Variants in THADA observed in about 807,000 individuals in gnomAD.
The protein encoded by THADA is tRNA (32-2'-O)-methyltransferase regulator THADA.
Under a neutral mutation model 219.8 loss-of-function variants are expected in THADA, and 213 were observed. The ratio of observed to expected loss-of-function variants is 0.97; its 90% CI spans 0.87 to 1.09. THADA has a LOEUF of 1.09. Among genes scored for constraint, THADA ranks in the 50% least tolerant of loss-of-function variants. The pLI is 0.00. For synonymous variants in THADA, 1,018 were observed against 828.9 expected (o/e 1.23, Z -3.92); for missense variants, 2,956 against 2,311.3 (o/e 1.28, Z -5.72).
intron 35 of THADA, 75 bp downstream of exon 35, chr2:43,286,833 C>T: frequency 6.5e-7 from 1 of 1,545,166 alleles, no homozygotes; most frequent in Non-Finnish European, 8.8e-7. Context: ...TTCACCTTCC[C>T]TTTTTTTAGG....
chr2:43,392,590 G>A (rs377510674), intron 29 of THADA, among the ~76,000 whole-genome samples: 1 of 152,036 alleles, frequency 6.6e-6, no homozygotes, highest in African/African-American at 2.4e-5. Context: ...GTCTACTCCA[G>A]TTTCGGTCTT....
rs1347991247 is a variant in THADA at position 43,230,900 on chromosome 2, T to C, written c.*48A>G. The C allele has an allele frequency of 6.5e-7, 1 of 1,531,636 alleles. No homozygotes were observed. Among genetic ancestry groups the C allele is most frequent in the African/African-American group, 1.4e-5 (1 of 72,174 alleles). 94.9% of individuals were successfully genotyped at this position (1,531,636 alleles called of 1,614,324 possible). On this transcript the variant is annotated 3_prime_UTR_variant, in exon 38 of 38. Coordinates refer to ENST00000405975, the MANE Select transcript of THADA (RefSeq NM_022065.5). ...TTCAACATGTTTCCTGCAGATTTAGTGGAGGAAAAATCCACACATACCCCC... is the reference window on the plus strand; with the variant it reads ...TTCAACATGTTTCCTGCAGATTTAGCGGAGGAAAAATCCACACATACCCCC...
At chr2:43,420,203 C>G (rs1390947322) in intron 28 of THADA, among the ~76,000 whole-genome samples, 1 of 152,236 alleles carries the variant, frequency 6.6e-6, no homozygotes, top group African/African-American at 2.4e-5. Context: ...CTCCAACCCA[C>G]TGATGCTCTT....
At chr2:43,575,582 G>A (rs1699768114) in intron 10 of THADA, among the ~76,000 whole-genome samples, 1 of 152,170 alleles carries the variant, frequency 6.6e-6, no homozygotes, top group Admixed American at 6.5e-5. Context: ...TGTCACCCAG[G>A]CTGGAGTGCA....
chr2:43,332,230 C>A, intron 30 of THADA, among the ~76,000 whole-genome samples: 1 of 152,154 alleles, frequency 6.6e-6, no homozygotes, highest in Non-Finnish European at 1.5e-5. Flanking sequence ...GGATTACAGG[C>A]CCATGCCACC....
rs1558995585 is a variant in THADA, at chr2:43,571,768, G to A, written c.2003C>T (p.Thr668Ile). 12 of 1,613,862 alleles carry A rather than the reference G, an allele frequency of 7.4e-6. No individual in the cohort carries two copies. The highest frequency in any genetic ancestry group is 1.0e-5 in the Non-Finnish European group (12 of 1,179,782). Reference protein sequence around the residue: ...EEMQWIQFFITYNLNSQSPGV... With the variant: ...EEMQWIQFFIIYNLNSQSPGV... ...TGGAGACTGGCTGTTAAGATTGTATGTAATAAAGAACTGAATCCACTGCAT... is the reference window on the plus strand; with the variant it reads ...TGGAGACTGGCTGTTAAGATTGTATATAATAAAGAACTGAATCCACTGCAT... The change falls in exon 13 of 38, where the codon ACA becomes ATA. Residue 668 changes from threonine (T) to isoleucine (I), a missense_variant. Coordinates refer to ENST00000405975, the MANE Select transcript of THADA (RefSeq NM_022065.5).
At chr2:43,579,791 C>T (rs142944539) in intron 8 of THADA, among the ~76,000 whole-genome samples, 64 of 152,204 alleles carry the variant, frequency 4.2e-4, no homozygotes, top group Middle Eastern at 6.8e-3. Context: ...AGGCAACAAA[C>T]GTGGGTGAAA....
At chr2:43,288,586 G>C (rs1286250533) in intron 34 of THADA, among the ~76,000 whole-genome samples, 1 of 152,212 alleles carries the variant, frequency 6.6e-6, no homozygotes, top group African/African-American at 2.4e-5. Flanking sequence ...CCCAAGCACA[G>C]GACTTCCTCT....
chr2:43,586,326 T>A (rs1372705628), intron 7 of THADA, 75 bp downstream of exon 7: 1 of 1,251,876 alleles, frequency 8.0e-7, no homozygotes, highest in African/African-American at 1.6e-5. Context: ...TTCTGAGACT[T>A]TTAAATTTTT....
intron 29 of THADA, among the ~76,000 whole-genome samples, chr2:43,387,942 T>C (rs1264548486): frequency 1.6e-4 from 24 of 152,242 alleles, no homozygotes; most frequent in Admixed American, 1.5e-3. Flanking sequence ...AGCCTGTGTG[T>C]CAATTTTACT....
intron 3 of THADA, among the ~76,000 whole-genome samples, chr2:43,591,669 G>A (rs915761360): frequency 1.3e-5 from 2 of 151,860 alleles, no homozygotes; most frequent in Non-Finnish European, 2.9e-5. Context: ...AAAAAGTTTT[G>A]AAGATTCATA....
chr2:43,293,525 C>T (rs1294988016), intron 31 of THADA, among the ~76,000 whole-genome samples: 1 of 152,176 alleles, frequency 6.6e-6, no homozygotes, highest in African/African-American at 2.4e-5. Context: ...AGCCTCAAAG[C>T]TGACCATGAG....
intron 22 of THADA, among the ~76,000 whole-genome samples, chr2:43,520,796 T>TA (rs1692329613): frequency 6.6e-6 from 1 of 151,572 alleles, no homozygotes; most frequent in South Asian, 2.1e-4. Flanking sequence ...CAAGGAAGCT[T>TA]ACTAAAAATG....
At chr2:43,305,667 G>C (rs182696787) in intron 31 of THADA, among the ~76,000 whole-genome samples, 1 of 152,204 alleles carries the variant, frequency 6.6e-6, no homozygotes, top group Admixed American at 6.5e-5. Context: ...TCTGGCCTGG[G>C]AGACAGCAGA....
At chr2:43,457,280 T>C (rs895570957) in intron 26 of THADA, among the ~76,000 whole-genome samples, 2 of 152,136 alleles carry the variant, frequency 1.3e-5, no homozygotes, top group African/African-American at 4.8e-5. Flanking sequence ...TACCAATATT[T>C]GGTTTTGATG....
At chr2:43,581,083 T>C (rs559766417) in intron 8 of THADA, among the ~76,000 whole-genome samples, 18 of 152,352 alleles carry the variant, frequency 1.2e-4, no homozygotes, top group Non-Finnish European at 2.1e-4. Context: ...CAACTTTTTA[T>C]ATAAATACTT....
chr2:43,592,279 A>G, intron 2 of THADA, 38 bp downstream of exon 2: 1 of 1,481,548 alleles, frequency 6.7e-7, no homozygotes, highest in Non-Finnish European at 9.2e-7. Flanking sequence ...CTTGCAAACT[A>G]GAAAAAAATA....
intron 31 of THADA, among the ~76,000 whole-genome samples, chr2:43,319,667 G>A (rs769371680): frequency 6.6e-6 from 1 of 152,160 alleles, no homozygotes; most frequent in African/African-American, 2.4e-5. Context: ...GGCCTGGTCT[G>A]CTTGCACTCA....
chr2:43,556,646 G>C (rs921367616), intron 16 of THADA, 91 bp from the exon 17 acceptor site: 15 of 1,224,450 alleles, frequency 1.2e-5, no homozygotes, highest in Non-Finnish European at 1.7e-5. Context: ...GCCTGGAGCT[G>C]AGTACAGTGG....
Sources: allele counts gnomAD v4.1 joint callset (sites outside exome capture counted in the v4.1 genomes callset), GRCh38; gene constraint gnomAD v4.1.1; transcripts MANE v1.5; gene names NCBI Gene and HGNC (gene_info 2026-07-23, HGNC 2026-07-21).